Variants in RABGAP1L observed in about 807,000 individuals in gnomAD.
RABGAP1L encodes the protein rab GTPase-activating protein 1-like.
In RABGAP1L, 63 loss-of-function variants were observed where a neutral mutation model predicts 137.7. The ratio of observed to expected loss-of-function variants is 0.46; its 90% confidence interval spans 0.37 to 0.56. The LOEUF (loss-of-function observed/expected upper bound fraction) is 0.56. Among genes scored for constraint, RABGAP1L ranks in the 20% least tolerant of loss-of-function variants. The pLI is 0.00. For missense variants in RABGAP1L, 1,095 were observed against 1,244.0 expected (o/e 0.88, Z 1.80); for synonymous variants, 431 against 433.7 (o/e 0.99, Z 0.08).
chr1:174,622,483 A>C (rs984504043), intron 13 of RABGAP1L, among the ~76,000 whole-genome samples: 1 of 152,234 alleles, frequency 6.6e-6, no homozygotes, highest in African/African-American at 2.4e-5. Context: ...GACTGGATTA[A>C]GAAAATGTGG....
At chr1:174,442,088 C>T (rs1056133268) in intron 13 of RABGAP1L, among the ~76,000 whole-genome samples, 4 of 151,890 alleles carry the variant, frequency 2.6e-5, no homozygotes, top group African/African-American at 4.8e-5. Flanking sequence ...TATTATGATT[C>T]AAAACTGCTT....
At chr1:174,437,201 G>A (rs529062195) in intron 13 of RABGAP1L, among the ~76,000 whole-genome samples, 59 of 152,272 alleles carry the variant, frequency 3.9e-4, no homozygotes, top group Admixed American at 1.8e-3. Flanking sequence ...CACCAGCAAC[G>A]GAACAAAACT....
chr1:174,310,477 A>G lies in RABGAP1L; in HGVS notation c.1465+5350A>G, dbSNP rs187349721. Reference sequence around the variant, plus strand: ...ATTATTTAGTCTAGAGTGTACATTAAGTCTGATGTTCCTTTATTGATATTC... The same window carrying G: ...ATTATTTAGTCTAGAGTGTACATTAGGTCTGATGTTCCTTTATTGATATTC... On this transcript the variant is annotated intron_variant, in intron 11 of 25. Transcript: ENST00000681986. 6.8e-4 allele frequency among the ~76,000 whole-genome samples: 103 copies of G among 152,274 alleles called. 1 individual carries two copies. The highest frequency in any genetic ancestry group is 2.3e-3 in the African/African-American group (94 of 41,562).
intron 11 of RABGAP1L, among the ~76,000 whole-genome samples, chr1:174,334,319 T>TA (rs1260701515): frequency 6.6e-6 from 1 of 152,204 alleles, no homozygotes; most frequent in African/African-American, 2.4e-5. Context: ...ATTATTGTGA[T>TA]ACCTCAAACT....
intron 1 of RABGAP1L, among the ~76,000 whole-genome samples, chr1:174,198,649 T>G (rs1007338743): frequency 1.3e-5 from 2 of 152,254 alleles, no homozygotes; most frequent in African/African-American, 4.8e-5. Context: ...TGAGATTTTC[T>G]GATCAGCAGC....
At chr1:174,508,331 T>C (rs1356904331) in intron 13 of RABGAP1L, among the ~76,000 whole-genome samples, 1 of 152,154 alleles carries the variant, frequency 6.6e-6, no homozygotes, top group Non-Finnish European at 1.5e-5. Context: ...GTCTCAGATA[T>C]GGGTTTAGTA....
At chr1:174,248,786 T>C (rs1238864065) in intron 5 of RABGAP1L, among the ~76,000 whole-genome samples, 3 of 152,232 alleles carry the variant, frequency 2.0e-5, no homozygotes, top group Non-Finnish European at 4.4e-5. Context: ...TTACAAATAT[T>C]GTATTCCTAG....
intron 7 of RABGAP1L, among the ~76,000 whole-genome samples, chr1:174,255,203 GTCTTAAAATTGATGGCTT>G (rs1673022970): frequency 6.6e-6 from 1 of 152,014 alleles, no homozygotes; most frequent in Non-Finnish European, 1.5e-5. Flanking sequence ...ATAATGGTGA[GTCTTAAAATTGATGGCTT>G]TCTTAAAATT....
chr1:174,248,693 A>G (rs1258224469), intron 5 of RABGAP1L, among the ~76,000 whole-genome samples: 5 of 152,212 alleles, frequency 3.3e-5, no homozygotes, highest in Admixed American at 6.5e-5. Flanking sequence ...GTGGCAGAAT[A>G]TGTGAATAAA....
chr1:174,606,747 T>C (rs755052546), intron 13 of RABGAP1L, among the ~76,000 whole-genome samples: 3 of 152,178 alleles, frequency 2.0e-5, no homozygotes, highest in Non-Finnish European at 4.4e-5. Flanking sequence ...TGTCTATCCA[T>C]TGTTATCTCA....
intron 7 of RABGAP1L, among the ~76,000 whole-genome samples, chr1:174,258,784 T>G (rs369470758): frequency 2.0e-4 from 30 of 151,732 alleles, no homozygotes; most frequent in East Asian, 2.0e-3. Context: ...GGTTTTTTTT[T>G]GTTTGTTTTT....
Position 174,774,441 on chromosome 1 carries a change from A to T in RABGAP1L, c.2211+22087A>T, listed in dbSNP as rs578021083. ...TCTTGTCTCTACAAAAAATAAAAAT[A>T]AAAAAAATAGCAAGGCATAGTGGCC... On this transcript the variant is annotated intron_variant, in intron 18 of 25. Transcript: ENST00000681986. Among the ~76,000 whole-genome samples the T allele has an allele frequency of 7.2e-5, 11 of 152,102 alleles. No homozygotes were observed. In the South Asian group the frequency reaches 1.2e-3, roughly 17 times the overall value.
chr1:174,569,698 A>G (rs902008136), intron 13 of RABGAP1L, among the ~76,000 whole-genome samples: 2 of 152,166 alleles, frequency 1.3e-5, no homozygotes, highest in Admixed American at 1.3e-4. Context: ...AGAAAGCCAA[A>G]TTTACTGAAG....
intron 15 of RABGAP1L, among the ~76,000 whole-genome samples, chr1:174,697,927 A>T (rs916365858): frequency 1.3e-5 from 2 of 152,242 alleles, no homozygotes; most frequent in Non-Finnish European, 2.9e-5. Flanking sequence ...AATCAAAATG[A>T]AAACACTATA....
chr1:174,513,314 T>C (rs116641167), intron 13 of RABGAP1L, among the ~76,000 whole-genome samples: 1 of 152,120 alleles, frequency 6.6e-6, no homozygotes, highest in Admixed American at 6.6e-5. Flanking sequence ...AAATAAACTT[T>C]GAGGCCAGAT....
intron 17 of RABGAP1L, among the ~76,000 whole-genome samples, chr1:174,721,234 C>G (rs193227625): frequency 2.6e-5 from 4 of 152,304 alleles, no homozygotes; most frequent in African/African-American, 7.2e-5. Flanking sequence ...AGGTGTGATG[C>G]TTTCTCTGGA....
intron 13 of RABGAP1L, among the ~76,000 whole-genome samples, chr1:174,405,602 A>T (rs1327306463): frequency 1.3e-5 from 2 of 152,246 alleles, no homozygotes; most frequent in Non-Finnish European, 2.9e-5. Flanking sequence ...ACAATGAGGC[A>T]GGCAAGGAGA....
intron 18 of RABGAP1L, among the ~76,000 whole-genome samples, chr1:174,771,069 A>G (rs1459417504): frequency 6.6e-6 from 1 of 152,234 alleles, no homozygotes; most frequent in Non-Finnish European, 1.5e-5. Context: ...ATCTAACCTG[A>G]GAATAGGACA....
At chr1:174,173,472 A>G (rs1231637825) in intron 1 of RABGAP1L, among the ~76,000 whole-genome samples, 3 of 152,164 alleles carry the variant, frequency 2.0e-5, no homozygotes, top group African/African-American at 7.2e-5. Flanking sequence ...GAAGTGGCTT[A>G]CTATTACATT....
Sources: allele counts gnomAD v4.1 joint callset (sites outside exome capture counted in the v4.1 genomes callset), GRCh38; gene constraint gnomAD v4.1.1; transcripts MANE v1.5; gene names NCBI Gene and HGNC (gene_info 2026-07-23, HGNC 2026-07-21).